The following PRDM5 variants were observed in gnomAD, a reference collection of about 807,000 sequenced individuals.
PRDM5 encodes the protein PR/SET domain 5.
Under a neutral mutation model 81.2 loss-of-function variants are expected in PRDM5, and 56 were observed. The ratio of observed to expected loss-of-function variants is 0.69; its 90% CI spans 0.56 to 0.86. The LOEUF is 0.86. Ranked by LOEUF, PRDM5 falls within the 40% of genes least tolerant of loss-of-function variation. The pLI is 0.00. For synonymous variants in PRDM5, 267 were observed against 256.4 expected (o/e 1.04, Z -0.39); for missense variants, 697 against 770.1 (o/e 0.91, Z 1.12).
rs73843647 is a variant in PRDM5, at chr4:120,888,425, C to A, written c.177+19049G>T. Reference sequence around the variant, plus strand: ...CTCAAGGCTTTGTTACTGAGATTCACCCATGTTGCTAAGCATAATAGAAAT... The same window carrying A: ...CTCAAGGCTTTGTTACTGAGATTCAACCATGTTGCTAAGCATAATAGAAAT... On this transcript the variant is annotated intron_variant, in intron 2 of 15. Coordinates refer to ENST00000264808, the MANE Select transcript of PRDM5 (RefSeq NM_018699.4). Among the ~76,000 whole-genome samples the A allele has an allele frequency of 9.6e-3, 1,455 of 152,276 alleles. 18 individuals carry two copies. Among genetic ancestry groups the A allele is most frequent in the African/African-American group, 0.033 (1,377 of 41,566 alleles).
chr4:120,872,114 G>A (rs1346683129), intron 2 of PRDM5, among the ~76,000 whole-genome samples: 2 of 125,122 alleles, frequency 1.6e-5, no homozygotes, highest in Non-Finnish European at 3.1e-5. Flanking sequence ...TCACGCCACT[G>A]CATTCCAGCC....
intron 1 of PRDM5, among the ~76,000 whole-genome samples, chr4:120,920,240 T>C (rs1441819442): frequency 6.6e-6 from 1 of 152,252 alleles, no homozygotes; most frequent in Non-Finnish European, 1.5e-5. Flanking sequence ...TGGCTTGAAT[T>C]GCAAGCACTT....
intron 4 of PRDM5, 105 bp downstream of exon 4, chr4:120,821,066 T>C (rs1219473226): frequency 6.2e-6 from 8 of 1,297,980 alleles, no homozygotes; most frequent in Non-Finnish European, 8.9e-6. Context: ...ACTAACTTTA[T>C]TTGAGAATGC....
chr4:120,711,026 C>G (rs1462236846), intron 14 of PRDM5, among the ~76,000 whole-genome samples: 1 of 152,140 alleles, frequency 6.6e-6, no homozygotes, highest in Non-Finnish European at 1.5e-5. Context: ...ACATTTCCTC[C>G]AATGATGTCC....
chr4:120,871,632 G>A (rs1028862718), intron 2 of PRDM5, among the ~76,000 whole-genome samples: 3 of 152,126 alleles, frequency 2.0e-5, no homozygotes, highest in East Asian at 1.9e-4. Flanking sequence ...ATCCTCCATC[G>A]TAAACTTAAA....
chr4:120,812,464 T>C (rs992802883), intron 7 of PRDM5: 3 of 162,738 alleles, frequency 1.8e-5, no homozygotes, highest in Admixed American at 1.3e-4. Flanking sequence ...TAGAAGCCAT[T>C]TTAACTAGGG....
intron 7 of PRDM5, 117 bp downstream of exon 7, chr4:120,816,336 C>A: frequency 6.5e-7 from 1 of 1,546,018 alleles, no homozygotes; most frequent in Non-Finnish European, 8.9e-7. Flanking sequence ...CGCTCCACAT[C>A]TGTGTGAAAC....
At chr4:120,763,652 TG>T (rs1745955754) in intron 13 of PRDM5, among the ~76,000 whole-genome samples, 1 of 152,166 alleles carries the variant, frequency 6.6e-6, no homozygotes, top group Admixed American at 6.5e-5. Flanking sequence ...GTGGTTTTGT[TG>T]TTAGGGAGTC....
intron 10 of PRDM5, among the ~76,000 whole-genome samples, chr4:120,793,059 T>C (rs945785158): frequency 6.6e-6 from 1 of 152,078 alleles, no homozygotes; most frequent in African/African-American, 2.4e-5. Flanking sequence ...CCCCACAATA[T>C]CAGCCCGTAG....
intron 3 of PRDM5, among the ~76,000 whole-genome samples, chr4:120,835,711 T>C (rs938597440): frequency 6.6e-6 from 1 of 152,116 alleles, no homozygotes; most frequent in African/African-American, 2.4e-5. Flanking sequence ...CTCTTTTTTT[T>C]CCCAGTCTCT....
At chr4:120,902,770 T>A (rs1765361432) in intron 2 of PRDM5, among the ~76,000 whole-genome samples, 1 of 152,150 alleles carries the variant, frequency 6.6e-6, no homozygotes, top group South Asian at 2.1e-4. Flanking sequence ...TGATGGCCAA[T>A]ACAGAAAGTA....
At position 120,693,808 on chromosome 4, in the gene PRDM5, A is replaced by G. The variant is rs752885890; in HGVS notation, c.*1303T>C. 7.9e-5 allele frequency: 12 copies of G among 151,924 alleles called. No individual in the cohort carries two copies. The highest frequency in any genetic ancestry group is 1.5e-4 in the Non-Finnish European group (10 of 67,986). The allele number at this position is 151,924 out of a possible 1,614,324, so 9.4% of individuals were successfully genotyped here. ...AGGTTCATGAGTTGGGCTTCATTTT[A>G]ACGTTTTTCTGGTTTTTGGATATTC... On this transcript the variant is annotated 3_prime_UTR_variant, in exon 16 of 16. Coordinates refer to ENST00000264808, the MANE Select transcript of PRDM5 (RefSeq NM_018699.4).
intron 10 of PRDM5, among the ~76,000 whole-genome samples, chr4:120,791,391 A>G (rs1750554826): frequency 6.6e-6 from 1 of 152,204 alleles, no homozygotes; most frequent in Non-Finnish European, 1.5e-5. Context: ...AGTTACTTTT[A>G]AATATACTTA....
intron 2 of PRDM5, among the ~76,000 whole-genome samples, chr4:120,854,080 C>A (rs1022237724): frequency 7.9e-5 from 12 of 152,180 alleles, no homozygotes; most frequent in Non-Finnish European, 1.6e-4. Flanking sequence ...ATGAATGAAA[C>A]AATCCCATTT....
chr4:120,821,397 T>G (rs1423190971), intron 3 of PRDM5, 52 bp from the exon 4 acceptor site: 3 of 1,515,866 alleles, frequency 2.0e-6, no homozygotes, highest in Non-Finnish European at 2.7e-6. Context: ...CTGATAGTAA[T>G]TAAGAAATAA....
chr4:120,767,205 T>C (rs535764661), intron 13 of PRDM5, among the ~76,000 whole-genome samples: 1 of 152,272 alleles, frequency 6.6e-6, no homozygotes, highest in African/African-American at 2.4e-5. Flanking sequence ...AATAATCCAA[T>C]AGCTAATTTA....
chr4:120,866,330 G>A (rs1022977112), intron 2 of PRDM5, among the ~76,000 whole-genome samples: 3 of 152,206 alleles, frequency 2.0e-5, no homozygotes, highest in South Asian at 2.1e-4. Flanking sequence ...ATTCCATAAG[G>A]ATGAAAGATT....
chr4:120,716,041 G>A (rs1467511864), intron 14 of PRDM5, among the ~76,000 whole-genome samples: 26 of 152,292 alleles, frequency 1.7e-4, no homozygotes, highest in Admixed American at 7.2e-4. Context: ...GGTGAGGCAT[G>A]AGGGCTTTGC....
intron 13 of PRDM5, 148 bp downstream of exon 13, chr4:120,777,040 C>T: frequency 7.0e-7 from 1 of 1,427,298 alleles, no homozygotes. Flanking sequence ...GATGAAAAAA[C>T]TGGGTTGTAC....
Sources: gnomAD v4.1 joint callset for allele counts (sites outside exome capture counted in the v4.1 genomes callset) on GRCh38, gnomAD v4.1.1 for gene constraint, MANE v1.5 for transcripts, NCBI Gene and HGNC (gene_info 2026-07-23, HGNC 2026-07-21) for gene names.